STAT4: variants seen among roughly 807,000 people sequenced by gnomAD.
STAT4 encodes the protein signal transducer and activator of transcription 4.
STAT4 carries 42 observed loss-of-function variants against 110.5 expected under a neutral mutation model. That is an observed-to-expected ratio of 0.38 (90% CI 0.30 to 0.49). STAT4 has a LOEUF of 0.49. STAT4 is among the 20% of genes least tolerant of loss of function. The pLI, the probability that STAT4 is intolerant of heterozygous loss-of-function variation, is 0.95. For synonymous variants in STAT4, 284 were observed against 302.2 expected, an observed-to-expected ratio of 0.94 and a Z score of 0.63; for missense variants, 632 against 887.9, an observed-to-expected ratio of 0.71 and a Z score of 3.66.
chr2:191,067,648 T>C lies in STAT4; in HGVS notation c.545-1133A>G, dbSNP rs555871348. On this transcript the variant is annotated intron_variant, in intron 6 of 23. Coordinates refer to ENST00000392320, the MANE Select transcript of STAT4 (RefSeq NM_003151.4). The stretch of plus-strand genomic sequence containing the variant: ...AGAAGGGCATATAAGTATCTGTACC[T>C]CACTGGATTACTGGGTAACCACTCT... Among the ~76,000 whole-genome samples the C allele has an allele frequency of 4.6e-5, 7 of 152,338 alleles. No individual in the cohort carries two copies. In the East Asian group the frequency reaches 1.2e-3, roughly 25 times the overall value.
At chr2:191,120,129 G>T (rs1028756052) in intron 3 of STAT4, among the ~76,000 whole-genome samples, 2 of 152,022 alleles carry the variant, frequency 1.3e-5, no homozygotes, top group African/African-American at 2.4e-5. Flanking sequence ...ATGATCTAAG[G>T]CAAGCAAAGT....
intron 3 of STAT4, among the ~76,000 whole-genome samples, chr2:191,106,048 G>A (rs1276269606): frequency 6.6e-6 from 1 of 152,054 alleles, no homozygotes; most frequent in African/African-American, 2.4e-5. Context: ...CTGTTACTAA[G>A]GAATTTTGGT....
chr2:191,132,302 A>C (rs1699057671), intron 3 of STAT4, among the ~76,000 whole-genome samples: 1 of 151,814 alleles, frequency 6.6e-6, no homozygotes, highest in Admixed American at 6.5e-5. Flanking sequence ...AATGTCTACA[A>C]ATAGTTGAGA....
At chr2:191,040,104 T>C (rs184507150) in intron 15 of STAT4, among the ~76,000 whole-genome samples, 1 of 152,328 alleles carries the variant, frequency 6.6e-6, no homozygotes, top group East Asian at 1.9e-4. Flanking sequence ...TACTCCACAA[T>C]AGGATCATAT....
At position 191,116,739 on chromosome 2, in the gene STAT4, T is replaced by C. The variant is rs1036297516; in HGVS notation, c.273+29874A>G. 1.3e-4 allele frequency among the ~76,000 whole-genome samples: 20 copies of C among 152,172 alleles called. No individual in the cohort carries two copies. The highest frequency in any genetic ancestry group is 4.1e-4 in the South Asian group (2 of 4,828). On this transcript the variant is annotated intron_variant, in intron 3 of 23. Transcript: ENST00000392320. This position sits in a 1 kb window ranked among gnomAD's most constrained non-coding sequence, Gnocchi z 4.1. ...CTCATGGGCAGGAGACACCTCTGTCTTACTGCCTGTTGTATCCCAACATCA... is the reference window on the plus strand; with the variant it reads ...CTCATGGGCAGGAGACACCTCTGTCCTACTGCCTGTTGTATCCCAACATCA...
In STAT4 at chr2:191,033,278, C is replaced by G. The variant is rs1343712696; in HGVS notation, c.1853-129G>C. On this transcript the variant is annotated intron_variant, in intron 20 of 23. Transcript: ENST00000392320. The surrounding 1 kb of genome is among the most constrained non-coding windows in gnomAD (Gnocchi z 6.9). ...AGTTCATGTCACTTCAATGTCAGAC[C>G]TTCTGCTGTCTGGACAGTATAGATT... 19 of 1,154,210 alleles carry G rather than the reference C, an allele frequency of 1.6e-5. No homozygotes were observed. The highest frequency in any genetic ancestry group is 2.3e-5 in the Non-Finnish European group (19 of 823,432). The allele number at this position is 1,154,210 out of a possible 1,614,324, so 71.5% of individuals were successfully genotyped here.
chr2:191,146,907 T>A lies in STAT4; in HGVS notation c.129-150A>T. 1.5e-6 allele frequency: 1 copy of A among 681,006 alleles called. No individual in the cohort carries two copies. The highest frequency in any genetic ancestry group is 2.1e-6 in the Non-Finnish European group (1 of 466,080). 42.2% of individuals were successfully genotyped at this position (681,006 alleles called of 1,614,324 possible). A position where few individuals can be genotyped will look rare whatever the true frequency, so the allele number is the denominator to read the frequency against. On this transcript the variant is annotated intron_variant, in intron 2 of 23. Coordinates refer to ENST00000392320, the MANE Select transcript of STAT4 (RefSeq NM_003151.4). The surrounding 1 kb of genome is among the most constrained non-coding windows in gnomAD (Gnocchi z 4.5). Reference sequence around the variant, plus strand: ...TTAAATTGTTAACATGAAGAGATGCTCAACATCACTAATCATTAGGGAATT... The same window carrying A: ...TTAAATTGTTAACATGAAGAGATGCACAACATCACTAATCATTAGGGAATT...
intron 3 of STAT4, among the ~76,000 whole-genome samples, chr2:191,119,401 A>T (rs1698658673): frequency 6.6e-6 from 1 of 152,202 alleles, no homozygotes; most frequent in Non-Finnish European, 1.5e-5. Flanking sequence ...GTGCTTATAA[A>T]GATAGAATGG....
chr2:191,110,879 G>A lies in STAT4; in HGVS notation c.274-34554C>T, dbSNP rs1305636376. Reference sequence around the variant, plus strand: ...TCTCACTGCAACCTCTGCCTCCTGGGTTCAAGCGATTCCCCTGCCTCAGCC... The same window carrying A: ...TCTCACTGCAACCTCTGCCTCCTGGATTCAAGCGATTCCCCTGCCTCAGCC... On this transcript the variant is annotated intron_variant, in intron 3 of 23. Transcript: ENST00000392320. This position sits in a 1 kb window ranked among gnomAD's most constrained non-coding sequence, Gnocchi z 4.5. 6.6e-6 allele frequency among the ~76,000 whole-genome samples: 1 copy of A among 152,138 alleles called. No individual in the cohort carries two copies. Among genetic ancestry groups the A allele is most frequent in the Non-Finnish European group, 1.5e-5 (1 of 68,036 alleles).
chr2:191,054,530 G>T lies in STAT4; in HGVS notation c.1211C>A (p.Pro404Gln). 1 of 1,611,800 alleles carries T rather than the reference G, an allele frequency of 6.2e-7. No homozygotes were observed. The highest frequency in any genetic ancestry group is 8.5e-7 in the Non-Finnish European group (1 of 1,179,192). Residue 404 changes from proline to glutamine, a missense_variant, in exon 14 of 24, where the codon CCA (proline) becomes CAA (glutamine). By Grantham distance (76) the Pro-to-Gln change is moderately conservative (BLOSUM62 -1). Coordinates refer to ENST00000392320, the MANE Select transcript of STAT4 (RefSeq NM_003151.4). Reference protein sequence around the residue: ...SLSVEFRHLQPKEMKSSAGGK... With the variant: ...SLSVEFRHLQQKEMKSSAGGK... ...TCCAGCACTGGACTTCATTTCCTTT[G>T]GTTGCTTTGTAAAAGAAAACAACAA...
chr2:191,057,733 G>A (rs1476111726), intron 13 of STAT4, among the ~76,000 whole-genome samples: 2 of 151,300 alleles, frequency 1.3e-5, no homozygotes, highest in African/African-American at 4.9e-5. Context: ...AGAATAGCTG[G>A]GATTACAGGC....
chr2:191,082,694 C>T lies in STAT4; in HGVS notation c.274-6369G>A, dbSNP rs1697519293. Among the ~76,000 whole-genome samples the T allele has an allele frequency of 6.6e-6, 1 of 152,174 alleles. No homozygotes were observed. Among genetic ancestry groups the T allele is most frequent in the South Asian group, 2.1e-4 (1 of 4,830 alleles). ...CTTCCACAGCCTTTCTATCTAATTT[C>T]CAAATTTGACTTGTCATTAAAGAGT... On this transcript the variant is annotated intron_variant, in intron 3 of 23. Coordinates refer to ENST00000392320, the MANE Select transcript of STAT4 (RefSeq NM_003151.4). The surrounding 1 kb of genome is among the most constrained non-coding windows in gnomAD (Gnocchi z 4.7).
rs1005926698 is a variant in STAT4, at chr2:191,059,334, G to A, written c.1035-565C>T. Among the ~76,000 whole-genome samples, 1 of 152,152 alleles carries A rather than the reference G, an allele frequency of 6.6e-6. No homozygotes were observed. The highest frequency in any genetic ancestry group is 2.4e-5 in the African/African-American group (1 of 41,442). ...AACTTCAAATGAACAAGTAATTGAA[G>A]TTCAGTATAAAAATTCCTTTAATTC... On this transcript the variant is annotated intron_variant, in intron 10 of 23. Coordinates refer to ENST00000392320, the MANE Select transcript of STAT4 (RefSeq NM_003151.4). The surrounding 1 kb of genome is among the most constrained non-coding windows in gnomAD (Gnocchi z 4.7).
chr2:191,151,451 C>T (rs926348809), upstream of STAT4: 2 of 985,486 alleles, frequency 2.0e-6, no homozygotes, highest in Admixed American at 1.2e-4. This position sits in a 1 kb window ranked among gnomAD's most constrained non-coding sequence, Gnocchi z 4.7. Context: ...ACTCATAGAC[C>T]TTACTGGGCT....
rs1697548031 is a variant in STAT4, at chr2:191,083,600, A to T, written c.274-7275T>A. 6.6e-6 allele frequency among the ~76,000 whole-genome samples: 1 copy of T among 152,158 alleles called. No homozygotes were observed. The highest frequency in any genetic ancestry group is 1.5e-5 in the Non-Finnish European group (1 of 68,034). The stretch of plus-strand genomic sequence containing the variant: ...ATTTATTCTTTGTGGTATCTCTGGG[A>T]TATGAAGCATTTGTCTCCATTTACA... On this transcript the variant is annotated intron_variant, in intron 3 of 23. Transcript: ENST00000392320. This position sits in a 1 kb window ranked among gnomAD's most constrained non-coding sequence, Gnocchi z 4.6.
chr2:191,052,018 G>T (rs1414576156), intron 14 of STAT4, among the ~76,000 whole-genome samples: 1 of 152,188 alleles, frequency 6.6e-6, no homozygotes, highest in Non-Finnish European at 1.5e-5. Flanking sequence ...ATTCTTAGCA[G>T]GCTACAGGTG....
At chr2:191,054,624 C>T (rs1696624486) in intron 13 of STAT4, 90 bp from the exon 14 acceptor site, 3 of 1,189,958 alleles carry the variant, frequency 2.5e-6, no homozygotes, top group Non-Finnish European at 3.7e-6. Context: ...ATTTTCTTGG[C>T]CACAGTTTTG....
At chr2:191,126,487 A>C (rs1389564298) in intron 3 of STAT4, among the ~76,000 whole-genome samples, 1 of 152,272 alleles carries the variant, frequency 6.6e-6, no homozygotes, top group Admixed American at 6.5e-5. Flanking sequence ...ATAGATAGTG[A>C]AAATCAACAG....
At chr2:191,038,092 C>G (rs1696090458) in intron 16 of STAT4, among the ~76,000 whole-genome samples, 1 of 152,170 alleles carries the variant, frequency 6.6e-6, no homozygotes, top group Non-Finnish European at 1.5e-5. Flanking sequence ...CTCTGTGAGG[C>G]TGGAGGACAG....
Sources: allele counts gnomAD v4.1 joint callset (sites outside exome capture counted in the v4.1 genomes callset), GRCh38; gene constraint gnomAD v4.1.1; non-coding constraint Gnocchi (gnomAD v3.1); transcripts MANE v1.5; gene names NCBI Gene and HGNC (gene_info 2026-07-23, HGNC 2026-07-21).